The following BRINP3 variants were observed in gnomAD, a reference collection of about 807,000 sequenced individuals.
BRINP3 encodes BMP/retinoic acid inducible neural specific 3, also known as BMP/retinoic acid-inducible neural-specific protein 3.
Under a neutral mutation model 71.0 loss-of-function variants are expected in BRINP3, and 19 were observed. The ratio of observed to expected loss-of-function variants is 0.27; its 90% CI spans 0.19 to 0.39. The LOEUF (loss-of-function observed/expected upper bound fraction) is 0.39. Ranked by LOEUF, BRINP3 falls within the 10% of genes least tolerant of loss-of-function variation. The pLI, the probability that BRINP3 is intolerant of heterozygous loss-of-function variation, is 1.00. For missense variants in BRINP3, 959 were observed against 940.8 expected (o/e 1.02, Z -0.25); for synonymous variants, 380 against 337.7 (o/e 1.13, Z -1.37).
intron 1 of BRINP3, among the ~76,000 whole-genome samples, chr1:190,476,161 G>A (rs966785785): frequency 6.6e-5 from 10 of 151,466 alleles, no homozygotes; most frequent in Admixed American, 6.6e-5. Flanking sequence ...TTATGTCTGG[G>A]AGCTAAAAGG....
At chr1:190,249,840 A>G (rs893060169) in intron 4 of BRINP3, among the ~76,000 whole-genome samples, 3 of 151,998 alleles carry the variant, frequency 2.0e-5, no homozygotes, top group Non-Finnish European at 4.4e-5. Context: ...CAACAGTATT[A>G]TTAAATTTCT....
In BRINP3 at chr1:190,458,016, A is replaced by G. The variant is rs1279749530; in HGVS notation, c.-50-3076T>C. On this transcript the variant is annotated intron_variant, in intron 1 of 7. Coordinates refer to ENST00000367462, the MANE Select transcript of BRINP3 (RefSeq NM_199051.3). The stretch of plus-strand genomic sequence containing the variant: ...CAATTTAACATATCCATCATTTCAC[A>G]TTGTTATGCATTTTAACATATGGGA... 3.3e-5 allele frequency among the ~76,000 whole-genome samples: 5 copies of G among 152,016 alleles called. No individual in the cohort carries two copies. In the East Asian group the frequency reaches 9.6e-4, roughly 29 times the overall value.
At chr1:190,289,767 A>G (rs1229760725) in intron 2 of BRINP3, among the ~76,000 whole-genome samples, 1 of 151,972 alleles carries the variant, frequency 6.6e-6, no homozygotes, top group Non-Finnish European at 1.5e-5. Context: ...CAAAGACACT[A>G]ACAATATGTG....
intron 2 of BRINP3, 41 bp from the exon 3 acceptor site, chr1:190,281,791 A>G: frequency 6.4e-7 from 1 of 1,561,448 alleles, no homozygotes; most frequent in Non-Finnish European, 8.7e-7. Flanking sequence ...TGCATAATCT[A>G]TCTGAATGTT....
At chr1:190,358,505 G>A (rs1037400893) in intron 2 of BRINP3, among the ~76,000 whole-genome samples, 11 of 152,112 alleles carry the variant, frequency 7.2e-5, no homozygotes, top group African/African-American at 2.4e-4. Flanking sequence ...TAAAAAGTCA[G>A]GGAACAACAG....
chr1:190,314,695 G>A (rs952355612), intron 2 of BRINP3, among the ~76,000 whole-genome samples: 1 of 152,046 alleles, frequency 6.6e-6, no homozygotes, highest in Non-Finnish European at 1.5e-5. Context: ...TGGACTTCTG[G>A]CCCCCAAAAC....
At chr1:190,436,936 G>C (rs1674503229) in intron 2 of BRINP3, among the ~76,000 whole-genome samples, 1 of 151,710 alleles carries the variant, frequency 6.6e-6, no homozygotes. Context: ...CAAACATATA[G>C]CCTTGGGTAA....
intron 2 of BRINP3, among the ~76,000 whole-genome samples, chr1:190,375,764 A>G (rs1670145451): frequency 6.6e-6 from 1 of 152,030 alleles, no homozygotes; most frequent in South Asian, 2.1e-4. Flanking sequence ...TCTCGTAATA[A>G]TGACAGAATA....
chr1:190,147,611 T>G (rs1656004623), intron 7 of BRINP3, among the ~76,000 whole-genome samples: 1 of 152,232 alleles, frequency 6.6e-6, no homozygotes, highest in Non-Finnish European at 1.5e-5. Context: ...TTAAAGAAAT[T>G]GTTTTCATTC....
rs1029892539 is a variant in BRINP3 at position 190,238,183 on chromosome 1, T to G, written c.619-3706A>C. On this transcript the variant is annotated intron_variant, in intron 4 of 7. Transcript: ENST00000367462. The stretch of plus-strand genomic sequence containing the variant: ...TTCCAGAAATAAGTGTTTCTATTTT[T>G]TAATCATTCAAAAAACTTTGGGTTG... 5.9e-5 allele frequency among the ~76,000 whole-genome samples: 9 copies of G among 152,190 alleles called. 1 individual carries two copies. In the East Asian group the frequency reaches 1.2e-3, roughly 20 times the overall value.
chr1:190,433,269 G>T (rs1572033386), intron 2 of BRINP3, among the ~76,000 whole-genome samples: 1 of 152,278 alleles, frequency 6.6e-6, no homozygotes, highest in Non-Finnish European at 1.5e-5. Context: ...GAAGTATACA[G>T]ATCAATCAAT....
intron 6 of BRINP3, among the ~76,000 whole-genome samples, chr1:190,183,779 CT>C (rs1414048770): frequency 1.3e-5 from 2 of 152,090 alleles, no homozygotes; most frequent in African/African-American, 4.8e-5. Context: ...CCCCACTTGG[CT>C]TTCTATCATA....
chr1:190,098,400 C>T lies in BRINP3; in HGVS notation c.1919G>A (p.Gly640Asp). The change falls in exon 8 of 8, where the codon GGT becomes GAT. Residue 640 changes from glycine (G) to aspartate (D), a missense_variant. Transcript: ENST00000367462. ...RSRIKSNGPNGNESIYYEPLE... is the reference protein window; with the variant it reads ...RSRIKSNGPNDNESIYYEPLE... The stretch of plus-strand genomic sequence containing the variant: ...AGGTTCATAGTAAATGCTCTCATTA[C>T]CATTGGGACCATTGGACTTGATGCG... 1 of 1,614,150 alleles carries T rather than the reference C, an allele frequency of 6.2e-7. No individual in the cohort carries two copies. Among genetic ancestry groups the T allele is most frequent in the Non-Finnish European group, 8.5e-7 (1 of 1,180,034 alleles).
chr1:190,269,760 T>C (rs1438796070), intron 3 of BRINP3, among the ~76,000 whole-genome samples: 1 of 152,068 alleles, frequency 6.6e-6, no homozygotes, highest in Non-Finnish European at 1.5e-5. Flanking sequence ...TGGGCAAATC[T>C]ATTGGAAAAG....
chr1:190,324,483 T>C (rs931551913), intron 2 of BRINP3, among the ~76,000 whole-genome samples: 1 of 151,938 alleles, frequency 6.6e-6, no homozygotes, highest in Non-Finnish European at 1.5e-5. Context: ...GTAGCGTTAA[T>C]AAATCACTGA....
intron 2 of BRINP3, among the ~76,000 whole-genome samples, chr1:190,431,281 T>A (rs988383337): frequency 7.2e-5 from 11 of 152,132 alleles, no homozygotes; most frequent in African/African-American, 2.4e-4. Flanking sequence ...AATATTTGTA[T>A]GCAAGGTTAA....
At chr1:190,353,428 C>T (rs2102062135) in intron 2 of BRINP3, among the ~76,000 whole-genome samples, 1 of 152,092 alleles carries the variant, frequency 6.6e-6, no homozygotes, top group Middle Eastern at 3.4e-3. Flanking sequence ...AGCAGCATCA[C>T]TTCACATTAA....
chr1:190,312,036 A>AACAT (rs1665561081), intron 2 of BRINP3, among the ~76,000 whole-genome samples: 2 of 68,296 alleles, frequency 2.9e-5, no homozygotes, highest in Non-Finnish European at 5.8e-5. Flanking sequence ...TGAAAAGTCA[A>AACAT]ATATATATAT....
intron 2 of BRINP3, among the ~76,000 whole-genome samples, chr1:190,360,604 T>C (rs538978633): frequency 6.6e-6 from 1 of 152,296 alleles, no homozygotes; most frequent in East Asian, 1.9e-4. Context: ...TAATCATATT[T>C]TGCCCATGTA....
Sources: gnomAD v4.1 joint callset for allele counts (sites outside exome capture counted in the v4.1 genomes callset) on GRCh38, gnomAD v4.1.1 for gene constraint, MANE v1.5 for transcripts, NCBI Gene and HGNC (gene_info 2026-07-23, HGNC 2026-07-21) for gene names.